The following SLC11A1 variants were observed in gnomAD, a reference collection of about 807,000 sequenced individuals.
SLC11A1 encodes solute carrier family 11 member 1.
SLC11A1 carries 59 observed loss-of-function variants against 63.2 expected under a neutral mutation model. That is an observed-to-expected ratio of 0.93 (90% CI 0.76 to 1.16). SLC11A1 has a LOEUF of 1.16. SLC11A1 is among the 50% of genes most tolerant of loss of function. The probability of loss-of-function intolerance (pLI) is 0.00; values close to 1 mark genes in which losing one functional copy is unlikely to be tolerated. For synonymous variants in SLC11A1, 305 were observed against 307.8 expected (o/e 0.99, Z 0.09); for missense variants, 688 against 730.7 (o/e 0.94, Z 0.67).
chr2:218,382,464 G>T (rs1695858306), intron 1 of SLC11A1, 89 bp downstream of exon 1: 1 of 1,474,708 alleles, frequency 6.8e-7, no homozygotes, highest in Non-Finnish European at 9.4e-7. Flanking sequence ...AAGCAAGAAA[G>T]CCCTTGGTCC....
At position 218,396,662 on chromosome 2, in the gene SLC11A1, C is replaced by T. The variant is rs1696799038; in HGVS notation, c.*1627C>T. On this transcript the variant is annotated 3_prime_UTR_variant, in exon 15 of 15. Coordinates refer to ENST00000233202, the MANE Select transcript of SLC11A1 (RefSeq NM_000578.4). ...GTACCTGGGCAAGAGGGCCGCCCGC[C>T]TCCTCTGGGTTTGGCACTGGAGAAG... is the stretch of plus-strand genomic sequence containing the variant. The T allele has an allele frequency of 6.5e-6, 1 of 152,762 alleles. No homozygotes were observed. 9.5% of individuals were successfully genotyped at this position (152,762 alleles called of 1,614,324 possible).
chr2:218,387,508 G>A, intron 6 of SLC11A1, 57 bp from the exon 7 acceptor site: 1 of 1,569,252 alleles, frequency 6.4e-7, no homozygotes, highest in East Asian at 2.2e-5. Context: ...ATTACGAATT[G>A]TTGATGTCAC....
At position 218,395,965 on chromosome 2, in the gene SLC11A1, T is replaced by C. The variant is rs975807947; in HGVS notation, c.*930T>C. Reference sequence around the variant, plus strand: ...TCTTTCTCCGTCAGGCACCAGGTCATAAGGAACCCAAGAGTCTGTGCCTCT... The same window carrying C: ...TCTTTCTCCGTCAGGCACCAGGTCACAAGGAACCCAAGAGTCTGTGCCTCT... On this transcript the variant is annotated 3_prime_UTR_variant, in exon 15 of 15. Transcript: ENST00000233202. The C allele has an allele frequency of 6.6e-6, 1 of 152,390 alleles. No individual in the cohort carries two copies. The highest frequency in any genetic ancestry group is 2.4e-5 in the African/African-American group (1 of 41,464). The allele number at this position is 152,390 out of a possible 1,614,324, so 9.4% of individuals were successfully genotyped here. A position where few individuals can be genotyped will look rare whatever the true frequency, so the allele number is the denominator to read the frequency against.
At position 218,387,827 on chromosome 2, in the gene SLC11A1, G is replaced by T; in HGVS notation, c.667G>T (p.Ala223Ser). Reference sequence around the variant, plus strand: ...TGTGGTGGCGCGTCCTGAGCAGGGAGCGCTTCTTCGGGGCCTGTTCCTGCC... The same window carrying T: ...TGTGGTGGCGCGTCCTGAGCAGGGATCGCTTCTTCGGGGCCTGTTCCTGCC... ...EYVVARPEQG[A>S]LLRGLFLPSC... The change falls in exon 8 of 15, where the codon GCG becomes TCG. Residue 223 changes from alanine (A) to serine (S), a missense_variant. Physicochemically the swap from Ala to Ser is moderately conservative, Grantham distance 99. Transcript: ENST00000233202. The T allele has an allele frequency of 6.2e-7, 1 of 1,604,806 alleles. No homozygotes were observed. Among genetic ancestry groups the T allele is most frequent in the Non-Finnish European group, 8.5e-7 (1 of 1,175,848 alleles).
chr2:218,395,086 C>A lies in SLC11A1; in HGVS notation c.*51C>A. 1 of 1,403,952 alleles carries A rather than the reference C, an allele frequency of 7.1e-7. No individual in the cohort carries two copies. The highest frequency in any genetic ancestry group is 9.8e-7 in the Non-Finnish European group (1 of 1,018,726). 87.0% of individuals were successfully genotyped at this position (1,403,952 alleles called of 1,614,324 possible). On this transcript the variant is annotated 3_prime_UTR_variant, in exon 15 of 15. Coordinates refer to ENST00000233202, the MANE Select transcript of SLC11A1 (RefSeq NM_000578.4). ...TGGCATGTATGACGTGACTGGCCTGCTGGATGTGGAGGGGGCGCGTGCAGG... is the reference window on the plus strand; with the variant it reads ...TGGCATGTATGACGTGACTGGCCTGATGGATGTGGAGGGGGCGCGTGCAGG...
chr2:218,385,212 G>C lies in SLC11A1; in HGVS notation c.339G>C (p.Leu113=), dbSNP rs1401207964. The C allele has an allele frequency of 1.2e-6, 2 of 1,613,966 alleles. No individual in the cohort carries two copies. Among genetic ancestry groups the C allele is most frequent in the African/African-American group, 2.7e-5 (2 of 74,932 alleles). The part of the protein sequence containing the change: ...GLLCQRLAAR[L]GVVTGKDLGE... ...TCTGCCAGCGACTGGCTGCACGTCT[G>C]GGCGTGGTGACAGGCAAGGACTTGG... is the stretch of plus-strand genomic sequence containing the variant. Residue 113 remains leucine, a synonymous_variant, in exon 4 of 15, where the codon CTG becomes CTC. Coordinates refer to ENST00000233202, the MANE Select transcript of SLC11A1 (RefSeq NM_000578.4).
In SLC11A1 at chr2:218,386,738, G is replaced by C; in HGVS notation, c.497G>C (p.Gly166Ala). Residue 166 changes from glycine (G) to alanine (A), a missense_variant, in exon 5 of 15, where the codon GGA becomes GCA. Physicochemically the swap from Gly to Ala is moderately conservative, Grantham distance 60. Coordinates refer to ENST00000233202, the MANE Select transcript of SLC11A1 (RefSeq NM_000578.4). ...ATTGCATTCAATCTGCTCTCAGCTG[G>C]ACGGTACCACCCCAGTGTACCCCAA... ...TAIAFNLLSA[G>A]RIPLWGGVLI... is the part of the protein sequence containing the mutation. 1 of 1,612,778 alleles carries C rather than the reference G, an allele frequency of 6.2e-7. No individual in the cohort carries two copies. Among genetic ancestry groups the C allele is most frequent in the Non-Finnish European group, 8.5e-7 (1 of 1,178,848 alleles).
intron 12 of SLC11A1, among the ~76,000 whole-genome samples, chr2:218,393,433 G>A (rs574616811): frequency 1.5e-4 from 22 of 149,522 alleles, no homozygotes; most frequent in African/African-American, 3.2e-4. Flanking sequence ...TCAGGCTCCC[G>A]AGTAGCAGGG....
chr2:218,387,878 G>A lies in SLC11A1; in HGVS notation c.718G>A (p.Glu240Lys). The change falls in exon 8 of 15, where the codon GAG becomes AAG. Residue 240 changes from glutamate to lysine, a missense_variant. Glu to Lys is a moderately conservative substitution (Grantham distance 56). Transcript: ENST00000233202. ...LPSCPGCGHP[E>K]LLQAVGIVGA... is the part of the protein sequence containing the mutation. ...CTCGTGCCCGGGCTGCGGCCACCCC[G>A]AGCTGCTGCAGGCGGTGGGCATTGT... 1 of 1,603,944 alleles carries A rather than the reference G, an allele frequency of 6.2e-7. No homozygotes were observed. The highest frequency in any genetic ancestry group is 2.2e-5 in the East Asian group (1 of 44,454).
At chr2:218,392,827 C>T (rs1696527701) in intron 11 of SLC11A1, 154 bp from the exon 12 acceptor site, 3 of 551,270 alleles carry the variant, frequency 5.4e-6, no homozygotes, top group South Asian at 2.9e-5. Context: ...CCACCCATCC[C>T]CTCTTGCCAC....
Position 218,389,967 on chromosome 2 carries a change from T to G in SLC11A1, c.893T>G (p.Ile298Ser). ...ATIALSVSFI[I>S]NLFVMAVFGQ... ...ATCGCCCTGTCCGTCTCCTTTATCA[T>G]CAACCTCTTTGTCATGGCTGTCTTT... The change falls in exon 9 of 15, where the codon ATC becomes AGC. Residue 298 changes from isoleucine to serine, a missense_variant. Physicochemically the swap from Ile to Ser is moderately radical, Grantham distance 142. Transcript: ENST00000233202. 1 of 1,614,042 alleles carries G rather than the reference T, an allele frequency of 6.2e-7. No homozygotes were observed. Among genetic ancestry groups the G allele is most frequent in the Non-Finnish European group, 8.5e-7 (1 of 1,179,964 alleles).
At chr2:218,382,414 G>A (rs200880505) in intron 1 of SLC11A1, 39 bp downstream of exon 1, 222 of 1,611,568 alleles carry the variant, frequency 1.4e-4, no homozygotes, top group Non-Finnish European at 1.8e-4. Context: ...TGATTGGGGG[G>A]TGGAGTGGAG....
chr2:218,394,557 T>G (rs1198260249), intron 13 of SLC11A1, 75 bp from the exon 14 acceptor site: 3 of 1,525,896 alleles, frequency 2.0e-6, no homozygotes, highest in Non-Finnish European at 2.7e-6. Flanking sequence ...GTGTGGGCGC[T>G]GGGAGATGAA....
chr2:218,383,241 A>C, intron 2 of SLC11A1, 139 bp downstream of exon 2: 6 of 892,838 alleles, frequency 6.7e-6, no homozygotes, highest in Non-Finnish European at 8.4e-6. Context: ...GGACAGTGGC[A>C]ACTGCCCCTT....
At position 218,387,159 on chromosome 2, in the gene SLC11A1, G is replaced by T; in HGVS notation, c.501-1G>T. ...GCTGACCCGGGCCACTCTGGTTTCA[G>T]AATCCCACTCTGGGGTGGCGTCCTC... On this transcript the variant is annotated splice_acceptor_variant, in intron 5 of 14. Transcript: ENST00000233202. LOFTEE classifies it high-confidence loss of function. The T allele has an allele frequency of 6.2e-7, 1 of 1,614,206 alleles. No homozygotes were observed. Among genetic ancestry groups the T allele is most frequent in the Non-Finnish European group, 8.5e-7 (1 of 1,180,006 alleles).
intron 8 of SLC11A1, 116 bp from the exon 9 acceptor site, chr2:218,389,754 C>A: frequency 9.3e-7 from 1 of 1,079,990 alleles, no homozygotes; most frequent in South Asian, 1.6e-5. Flanking sequence ...CAGACTGCCA[C>A]GCAGGGGACT....
rs1199923641 is a variant in SLC11A1, at chr2:218,382,983, A to G, written c.31A>G (p.Ser11Gly). 4.3e-6 allele frequency: 7 copies of G among 1,614,072 alleles called. No individual in the cohort carries two copies. The highest frequency in any genetic ancestry group is 5.9e-6 in the Non-Finnish European group (7 of 1,180,016). Residue 11 changes from serine (S) to glycine (G), a missense_variant, in exon 2 of 15, where the codon AGC (serine) becomes GGC (glycine). Physicochemically the swap from Ser to Gly is moderately conservative, Grantham distance 56. Coordinates refer to ENST00000233202, the MANE Select transcript of SLC11A1 (RefSeq NM_000578.4). ...AGGTGACAAGGGTCCCCAAAGGCTA[A>G]GCGGGTCCAGCTATGGTTCCATCTC... MTGDKGPQRL[S>G]GSSYGSISSP...
rs376963973 is a variant in SLC11A1, at chr2:218,386,491, C to G, written c.394-144C>G. On this transcript the variant is annotated intron_variant, in intron 4 of 14. Coordinates refer to ENST00000233202, the MANE Select transcript of SLC11A1 (RefSeq NM_000578.4). ...AAAGTTTATCTCTGCCTTTCCATCT[C>G]CTGTATGCTCTTCCTACATAAGGTA... The G allele has an allele frequency of 2.8e-5, 17 of 616,024 alleles. No individual in the cohort carries two copies. In the African/African-American group the frequency reaches 3.1e-4, roughly 11 times the overall value. 38.2% of individuals were successfully genotyped at this position (616,024 alleles called of 1,614,324 possible).
chr2:218,391,748 C>T (rs1163987144), intron 11 of SLC11A1: 1 of 419,850 alleles, frequency 2.4e-6, no homozygotes, highest in Admixed American at 4.2e-5. Context: ...TCAGCCTCCT[C>T]AGTAGCTGGG....
Sources: gnomAD v4.1 joint callset for allele counts (sites outside exome capture counted in the v4.1 genomes callset) on GRCh38, gnomAD v4.1.1 for gene constraint, MANE v1.5 for transcripts, NCBI Gene and HGNC (gene_info 2026-07-23, HGNC 2026-07-21) for gene names.